Variants in TBCK observed in about 807,000 individuals in gnomAD.
TBCK encodes the protein TBC domain-containing protein kinase-like protein.
TBCK carries 99 observed loss-of-function variants against 113.4 expected under a neutral mutation model. The ratio of observed to expected loss-of-function variants is 0.87; its 90% CI spans 0.74 to 1.03. The LOEUF (loss-of-function observed/expected upper bound fraction) is 1.03. Among genes scored for constraint, TBCK ranks in the 50% least tolerant of loss-of-function variants. The pLI, the probability that TBCK is intolerant of heterozygous loss-of-function variation, is 0.00. For missense variants in TBCK, 1,045 were observed against 1,061.3 expected, an observed-to-expected ratio of 0.98 and a Z score of 0.21; for synonymous variants, 369 against 370.8, an observed-to-expected ratio of 1.00 and a Z score of 0.05.
chr4:106,105,440 A>G (rs796813621), intron 24 of TBCK, among the ~76,000 whole-genome samples: 11 of 152,338 alleles, frequency 7.2e-5, no homozygotes, highest in African/African-American at 2.4e-4. Context: ...CCAGAGCTGC[A>G]GTGGGCAGCC....
chr4:106,294,402 T>G (rs1025202774), intron 3 of TBCK, among the ~76,000 whole-genome samples: 13 of 151,352 alleles, frequency 8.6e-5, no homozygotes, highest in African/African-American at 3.2e-4. Flanking sequence ...GTGAGGCGGG[T>G]GGATCACAAG....
Position 106,116,380 on chromosome 4 carries a change from TG to T in TBCK, c.2236-3del. ...ATTTAATGGGATGGATTCTCTTGAC[TG>T]AAAAAAAAAATGTACAAAAAAAAAT... On this transcript the variant is annotated splice_polypyrimidine_tract_variant and splice_region_variant and intron_variant, in intron 23 of 25. Transcript: ENST00000394708. 1 of 1,583,768 alleles carries T rather than the reference TG, an allele frequency of 6.3e-7. No individual in the cohort carries two copies. Among genetic ancestry groups the T allele is most frequent in the East Asian group, 2.2e-5 (1 of 44,532 alleles).
At position 106,074,538 on chromosome 4, in the gene TBCK, A is replaced by G. The variant is rs536109083; in HGVS notation, c.2571+20944T>C. Among the ~76,000 whole-genome samples, 37 of 152,338 alleles carry G rather than the reference A, an allele frequency of 2.4e-4. No homozygotes were observed. The East Asian group carries it at 6.9e-3, about 29-fold the overall frequency. On this transcript the variant is annotated intron_variant, in intron 25 of 25. Transcript: ENST00000394708. ...CCCCTTTTATGATGACTTAGAATAA[A>G]TAATTTGTGCAAATTAACACAGCTG...
chr4:106,316,653 C>T, upstream of TBCK: 1 of 1,520,044 alleles, frequency 6.6e-7, no homozygotes, highest in Non-Finnish European at 8.9e-7. Context: ...TCGTAGGGGT[C>T]TTCCTTCTCT....
intron 23 of TBCK, among the ~76,000 whole-genome samples, chr4:106,143,261 T>C (rs531230474): frequency 6.6e-6 from 1 of 152,316 alleles, no homozygotes; most frequent in South Asian, 2.1e-4. Flanking sequence ...GTGTTTTTCC[T>C]GCCCCTTTTT....
chr4:106,275,434 G>T (rs996560088), intron 3 of TBCK, among the ~76,000 whole-genome samples: 4 of 151,746 alleles, frequency 2.6e-5, no homozygotes, highest in Non-Finnish European at 4.4e-5. Flanking sequence ...TAGTGAAATA[G>T]GTCAAGAACA....
chr4:106,087,786 A>G (rs143783621), intron 25 of TBCK, among the ~76,000 whole-genome samples: 188 of 152,328 alleles, frequency 1.2e-3, no homozygotes, highest in African/African-American at 4.4e-3. Context: ...GATCTCAGAA[A>G]TAATACCACA....
At chr4:106,232,890 A>G (rs966029168) in intron 17 of TBCK, 48 bp downstream of exon 17, 1 of 1,564,342 alleles carries the variant, frequency 6.4e-7, no homozygotes, top group Non-Finnish European at 8.7e-7. Context: ...TCAGTTATGC[A>G]ACAATTTTCT....
At chr4:106,170,978 A>G (rs1750919828) in intron 23 of TBCK, 117 bp downstream of exon 23, 2 of 703,844 alleles carry the variant, frequency 2.8e-6, no homozygotes, top group South Asian at 3.6e-5. Context: ...GTGTTAGAAA[A>G]TATCTACATT....
At chr4:106,177,552 T>A (rs1314070451) in intron 22 of TBCK, among the ~76,000 whole-genome samples, 2 of 151,960 alleles carry the variant, frequency 1.3e-5, no homozygotes, top group African/African-American at 4.8e-5. Context: ...CATATGGAGA[T>A]ACAGTTTTCC....
chr4:106,122,347 G>C (rs1270888026), intron 23 of TBCK, among the ~76,000 whole-genome samples: 1 of 152,092 alleles, frequency 6.6e-6, no homozygotes, highest in Non-Finnish European at 1.5e-5. Context: ...TCTCTGAATA[G>C]ACCAATAACA....
chr4:106,199,293 AT>A (rs1323316502), intron 20 of TBCK, among the ~76,000 whole-genome samples: 1 of 151,842 alleles, frequency 6.6e-6, no homozygotes, highest in Non-Finnish European at 1.5e-5. Context: ...TCTTCAGAAC[AT>A]TTTTTTCCCT....
Position 106,232,970 on chromosome 4 carries a change from A to T in TBCK, c.1607T>A (p.Val536Glu). ...ATACACAAGATCAGGATGAGACACT[A>T]CCCAGGCTTTTAATACACGCCTAAA... ...AKFRRVLKAW[V>E]VSHPDLVYWQ... Residue 536 changes from valine to glutamate, a missense_variant, in exon 17 of 26, where the codon GTA (valine) becomes GAA (glutamate). Coordinates refer to ENST00000394708, the MANE Select transcript of TBCK (RefSeq NM_001163435.3). The T allele has an allele frequency of 6.2e-7, 1 of 1,612,344 alleles. No homozygotes were observed. Among genetic ancestry groups the T allele is most frequent in the Non-Finnish European group, 8.5e-7 (1 of 1,178,844 alleles).
At chr4:106,299,171 T>C (rs906054400) in intron 2 of TBCK, among the ~76,000 whole-genome samples, 3 of 152,128 alleles carry the variant, frequency 2.0e-5, no homozygotes, top group Non-Finnish European at 2.9e-5. Context: ...CTACAACATA[T>C]AGGCATGTAA....
chr4:106,097,865 GAATA>G (rs927760398), intron 24 of TBCK, among the ~76,000 whole-genome samples: 19 of 152,008 alleles, frequency 1.2e-4, no homozygotes, highest in South Asian at 4.2e-4. Flanking sequence ...TTATTAGAAA[GAATA>G]AATAAATAAA....
chr4:106,095,584 A>G lies in TBCK; in HGVS notation c.2469T>C (p.Thr823=). 6.2e-7 allele frequency: 1 copy of G among 1,614,102 alleles called. No homozygotes were observed. The highest frequency in any genetic ancestry group is 8.5e-7 in the Non-Finnish European group (1 of 1,179,944). The change falls in exon 25 of 26, where the codon ACT becomes ACC. Residue 823 remains threonine (T), a synonymous_variant. Coordinates refer to ENST00000394708, the MANE Select transcript of TBCK (RefSeq NM_001163435.3). Reference sequence around the variant, plus strand: ...GGCCCTGGGTAAGCTCCCCTTCTGCAGTGAAGGCAGCACTGAATGGAATGT... The same window carrying G: ...GGCCCTGGGTAAGCTCCCCTTCTGCGGTGAAGGCAGCACTGAATGGAATGT... ...SINIPFSAAF[T]AEGELTQGPY... is the part of the protein sequence containing the mutation.
intron 19 of TBCK, among the ~76,000 whole-genome samples, chr4:106,214,876 T>C (rs1298943884): frequency 1.3e-5 from 2 of 152,016 alleles, no homozygotes; most frequent in Non-Finnish European, 2.9e-5. Context: ...GCCACAAAGA[T>C]ACTCCTTGAG....
intron 25 of TBCK, among the ~76,000 whole-genome samples, chr4:106,092,442 A>G (rs1289129167): frequency 6.6e-6 from 1 of 152,200 alleles, no homozygotes; most frequent in Non-Finnish European, 1.5e-5. Flanking sequence ...GGTGCTGTGA[A>G]GCAGGGGGCA....
chr4:106,123,527 A>G (rs1340372336), intron 23 of TBCK, among the ~76,000 whole-genome samples: 1 of 152,190 alleles, frequency 6.6e-6, no homozygotes, highest in Non-Finnish European at 1.5e-5. Context: ...AACTACTTTC[A>G]AGTTCATATG....
Sources: gnomAD v4.1 joint callset for allele counts (sites outside exome capture counted in the v4.1 genomes callset) on GRCh38, gnomAD v4.1.1 for gene constraint, MANE v1.5 for transcripts, NCBI Gene and HGNC (gene_info 2026-07-23, HGNC 2026-07-21) for gene names.